Variants in CNOT7 observed in about 807,000 individuals in gnomAD.
CNOT7 encodes CCR4-NOT transcription complex subunit 7.
A neutral mutation model predicts 37.1 loss-of-function variants in CNOT7; 4 were observed. The observed-to-expected ratio is 0.11, with a 90% CI of 0.05 to 0.25. The LOEUF (loss-of-function observed/expected upper bound fraction) is 0.25. CNOT7 is among the 10% of genes least tolerant of loss of function. CNOT7 has a pLI of 1.00. For missense variants in CNOT7, 170 were observed against 336.2 expected, an observed-to-expected ratio of 0.51 and a Z score of 3.87; for synonymous variants, 128 against 115.6, an observed-to-expected ratio of 1.11 and a Z score of -0.69.
intron 4 of CNOT7, among the ~76,000 whole-genome samples, chr8:17,235,885 CCT>C (rs1809284753): frequency 1.3e-5 from 2 of 151,926 alleles, no homozygotes; most frequent in Admixed American, 6.5e-5. Context: ...ATGAATGAAC[CCT>C]GTTTGTTTTT....
rs1019689212 is a variant in CNOT7 at position 17,230,864 on chromosome 8, G to T, written c.730-16C>A. 1.3e-6 allele frequency: 2 copies of T among 1,525,744 alleles called. No individual in the cohort carries two copies. The highest frequency in any genetic ancestry group is 8.9e-7 in the Non-Finnish European group (1 of 1,127,178). 94.5% of individuals were successfully genotyped at this position (1,525,744 alleles called of 1,614,324 possible). A position where few individuals can be genotyped will look rare whatever the true frequency, so the allele number is the denominator to read the frequency against. ...CAAAGAACATCTAAAAAGGAATTTT[G>T]AAGAAAAAAAAAAGATAATTTTAAC... On this transcript the variant is annotated splice_polypyrimidine_tract_variant and intron_variant, in intron 6 of 6. Transcript: ENST00000361272.
At chr8:17,239,639 T>C (rs186454200) in intron 3 of CNOT7, among the ~76,000 whole-genome samples, 275 of 152,166 alleles carry the variant, frequency 1.8e-3, no homozygotes, top group African/African-American at 5.9e-3. Context: ...CTACAGGTGC[T>C]CACCACCACA....
At position 17,229,350 on chromosome 8, in the gene CNOT7, A is replaced by C. The variant is rs1808358478; in HGVS notation, c.*1370T>G. ...CCAGTTACAGCACTGTAATATCATG[A>C]ATAAAGAATGTACAAGGGAGACAAA... On this transcript the variant is annotated 3_prime_UTR_variant, in exon 7 of 7. Transcript: ENST00000361272. 6.6e-6 allele frequency: 1 copy of C among 152,288 alleles called. No homozygotes were observed. Among genetic ancestry groups the C allele is most frequent in the South Asian group, 2.1e-4 (1 of 4,828 alleles). 9.4% of individuals were successfully genotyped at this position (152,288 alleles called of 1,614,324 possible).
At chr8:17,235,617 C>G (rs1187862412) in intron 4 of CNOT7, among the ~76,000 whole-genome samples, 2 of 152,204 alleles carry the variant, frequency 1.3e-5, no homozygotes, top group African/African-American at 4.8e-5. Context: ...CCCTACACTC[C>G]CAGGCCACTT....
At chr8:17,240,895 CA>C (rs1342286004) in intron 3 of CNOT7, among the ~76,000 whole-genome samples, 4 of 152,138 alleles carry the variant, frequency 2.6e-5, no homozygotes, top group Admixed American at 2.0e-4. Context: ...GGGCCATACT[CA>C]AAGAACTGTC....
chr8:17,237,197 A>G lies in CNOT7; in HGVS notation c.473+15T>C. 1.2e-6 allele frequency: 2 copies of G among 1,611,450 alleles called. No homozygotes were observed. Among genetic ancestry groups the G allele is most frequent in the South Asian group, 1.1e-5 (1 of 90,968 alleles). ...GATGGAAAAACAAATGCCATTTTCAATGTAGTCGTTTTACCTATGAAATGA... is the reference window on the plus strand; with the variant it reads ...GATGGAAAAACAAATGCCATTTTCAGTGTAGTCGTTTTACCTATGAAATGA... On this transcript the variant is annotated intron_variant, in intron 4 of 6. Transcript: ENST00000361272.
chr8:17,230,613 AAG>A lies in CNOT7; in HGVS notation c.*105_*106del, dbSNP rs1491122660. On this transcript the variant is annotated 3_prime_UTR_variant, in exon 7 of 7. Coordinates refer to ENST00000361272, the MANE Select transcript of CNOT7 (RefSeq NM_013354.7). ...AGGCAGACAATAAAATGGGCCATGA[AAG>A]GGGGGGGAAAGGTACTGTCTATTGT... 1.2e-5 allele frequency: 11 copies of A among 907,484 alleles called. No homozygotes were observed. The highest frequency in any genetic ancestry group is 1.7e-5 in the Non-Finnish European group (11 of 635,602). The allele number at this position is 907,484 out of a possible 1,614,324, so 56.2% of individuals were successfully genotyped here. A position where few individuals can be genotyped will look rare whatever the true frequency, so the allele number is the denominator to read the frequency against.
chr8:17,243,567 C>T (rs1283656247), intron 2 of CNOT7: 3 of 462,400 alleles, frequency 6.5e-6, no homozygotes. Context: ...GAGGGGAAAA[C>T]GCCCTGTACT....
chr8:17,245,861 G>A (rs1034312518), intron 1 of CNOT7: 18 of 151,938 alleles, frequency 1.2e-4, no homozygotes, highest in Non-Finnish European at 2.2e-4. Context: ...GGTTACCAAA[G>A]ATAGATGTCA....
intron 3 of CNOT7, among the ~76,000 whole-genome samples, chr8:17,238,980 C>T (rs578069371): frequency 2.0e-5 from 3 of 152,310 alleles, no homozygotes; most frequent in East Asian, 1.9e-4. Flanking sequence ...TCCTAACATA[C>T]AACTCCTTAA....
At chr8:17,231,637 G>T in intron 6 of CNOT7, 1 of 985,302 alleles carries the variant, frequency 1.0e-6, no homozygotes, top group East Asian at 1.1e-4. Context: ...TTTTCCAAAA[G>T]GGAAAACTTA....
At chr8:17,234,397 C>A (rs114754839) in intron 5 of CNOT7, among the ~76,000 whole-genome samples, 2 of 152,102 alleles carry the variant, frequency 1.3e-5, no homozygotes, top group African/African-American at 4.8e-5. Context: ...CTCACAATGG[C>A]GTGCATATGA....
rs1585767282 is a variant in CNOT7, at chr8:17,229,623, A to G, written c.*1097T>C. The G allele has an allele frequency of 6.6e-6, 1 of 151,874 alleles. No individual in the cohort carries two copies. Among genetic ancestry groups the G allele is most frequent in the Non-Finnish European group, 1.5e-5 (1 of 67,718 alleles). 9.4% of individuals were successfully genotyped at this position (151,874 alleles called of 1,614,324 possible). ...AGCATTACACTCCTCAGGTAATTTT[A>G]TCAGCTATATATATATATATGAGAA... On this transcript the variant is annotated 3_prime_UTR_variant, in exon 7 of 7. Coordinates refer to ENST00000361272, the MANE Select transcript of CNOT7 (RefSeq NM_013354.7).
At chr8:17,230,878 G>C (rs1332531747) in intron 6 of CNOT7, 30 bp from the exon 7 acceptor site, 1 of 1,479,536 alleles carries the variant, frequency 6.8e-7, no homozygotes, top group East Asian at 2.3e-5. Flanking sequence ...AAAAAAAAAA[G>C]ATAATTTTAA....
chr8:17,233,144 A>G (rs983230147), intron 5 of CNOT7, among the ~76,000 whole-genome samples: 1 of 152,056 alleles, frequency 6.6e-6, no homozygotes, highest in African/African-American at 2.4e-5. Context: ...AGTGGAAAGA[A>G]AGAAAGAGAA....
In CNOT7 at chr8:17,229,635, T is replaced by C. The variant is rs1372435117; in HGVS notation, c.*1085A>G. 1 of 151,714 alleles carries C rather than the reference T, an allele frequency of 6.6e-6. No homozygotes were observed. The highest frequency in any genetic ancestry group is 6.6e-5 in the Admixed American group (1 of 15,140). The allele number at this position is 151,714 out of a possible 1,614,324, so 9.4% of individuals were successfully genotyped here. On this transcript the variant is annotated 3_prime_UTR_variant, in exon 7 of 7. Transcript: ENST00000361272. ...CTCAGGTAATTTTATCAGCTATATA[T>C]ATATATATGAGAATATATATATATT...
chr8:17,230,713 T>C lies in CNOT7; in HGVS notation c.*7A>G, dbSNP rs780070709. 1 of 1,593,692 alleles carries C rather than the reference T, an allele frequency of 6.3e-7. No homozygotes were observed. Among genetic ancestry groups the C allele is most frequent in the Non-Finnish European group, 8.5e-7 (1 of 1,172,920 alleles). ...GCTCGAAATAAAAATAAAAGGACTA[T>C]TTCATGTCATGACTGCTTGTTGGCT... is the stretch of plus-strand genomic sequence containing the variant. On this transcript the variant is annotated 3_prime_UTR_variant, in exon 7 of 7. Transcript: ENST00000361272.
intron 6 of CNOT7, among the ~76,000 whole-genome samples, chr8:17,231,094 A>G (rs1808541509): frequency 6.6e-6 from 1 of 152,168 alleles, no homozygotes; most frequent in Non-Finnish European, 1.5e-5. Context: ...TTTTCCATTT[A>G]GACCATTTTT....
At chr8:17,242,897 T>C in intron 3 of CNOT7, 95 bp downstream of exon 3, 1 of 756,398 alleles carries the variant, frequency 1.3e-6, no homozygotes, top group South Asian at 2.3e-5. Context: ...CTACACCAAA[T>C]TCACCTAGCA....
Sources: gnomAD v4.1 joint callset for allele counts (sites outside exome capture counted in the v4.1 genomes callset) on GRCh38, gnomAD v4.1.1 for gene constraint, MANE v1.5 for transcripts, NCBI Gene and HGNC (gene_info 2026-07-23, HGNC 2026-07-21) for gene names.